Variants in CSMD1 observed in about 807,000 individuals in gnomAD.
The protein encoded by CSMD1 is CUB and Sushi multiple domains 1.
CSMD1 carries 213 observed loss-of-function variants against 417.5 expected under a neutral mutation model. The ratio of observed to expected loss-of-function variants is 0.51; its 90% CI spans 0.46 to 0.57. The LOEUF (loss-of-function observed/expected upper bound fraction) is 0.57. Ranked by LOEUF, CSMD1 falls within the 20% of genes least tolerant of loss-of-function variation. The pLI is 0.00. For synonymous variants in CSMD1, 2,862 were observed against 1,736.8 expected (o/e 1.65, Z -16.11); for missense variants, 6,923 against 4,529.7 (o/e 1.53, Z -15.17).
chr8:4,180,453 G>A (rs1263518087), intron 3 of CSMD1, among the ~76,000 whole-genome samples: 5 of 149,700 alleles, frequency 3.3e-5, no homozygotes, highest in African/African-American at 1.2e-4. Flanking sequence ...GGGAGGGATA[G>A]CATTAGGAGA....
intron 1 of CSMD1, among the ~76,000 whole-genome samples, chr8:4,649,973 G>C (rs1803780647): frequency 6.6e-6 from 1 of 152,212 alleles, no homozygotes; most frequent in African/African-American, 2.4e-5. Flanking sequence ...AGATGACACA[G>C]CTGCCTTGAA....
In CSMD1 at chr8:3,151,490, T is replaced by C; in HGVS notation, c.5938A>G (p.Thr1980Ala). ...CIATCGGTLS[T>A]LGGVILSPGF... ...GGGCTCAGGATCACACCACCCAAGG[T>C]GCTCAGCGTCCCTCCACAGGTTGCT... Residue 1980 changes from threonine (T) to alanine (A), a missense_variant, in exon 40 of 70, where the codon ACC becomes GCC. Physicochemically the swap from Thr to Ala is moderately conservative, Grantham distance 58. Coordinates refer to ENST00000635120, the MANE Select transcript of CSMD1 (RefSeq NM_033225.6). 1 of 1,613,210 alleles carries C rather than the reference T, an allele frequency of 6.2e-7. No homozygotes were observed. The highest frequency in any genetic ancestry group is 8.5e-7 in the Non-Finnish European group (1 of 1,179,582).
chr8:3,584,632 T>C (rs1037255592), intron 9 of CSMD1, among the ~76,000 whole-genome samples: 1 of 152,118 alleles, frequency 6.6e-6, no homozygotes, highest in African/African-American at 2.4e-5. Context: ...GGTAAACATA[T>C]AAAATCAAAT....
chr8:3,805,232 C>A (rs1051625906), intron 5 of CSMD1, among the ~76,000 whole-genome samples: 2 of 152,148 alleles, frequency 1.3e-5, no homozygotes, highest in Admixed American at 6.5e-5. Flanking sequence ...GGGACACCAG[C>A]ATCACAAGGG....
chr8:4,371,432 TAAG>T, intron 3 of CSMD1, among the ~76,000 whole-genome samples: 1 of 152,322 alleles, frequency 6.6e-6, no homozygotes, highest in South Asian at 2.1e-4. Flanking sequence ...ATTAGGTTTT[TAAG>T]GAGGAAATGG....
At chr8:3,826,914 G>A (rs1802087517) in intron 5 of CSMD1, among the ~76,000 whole-genome samples, 1 of 152,062 alleles carries the variant, frequency 6.6e-6, no homozygotes, top group Non-Finnish European at 1.5e-5. Context: ...AGCCTCTTGA[G>A]TAGCTGAAAC....
At chr8:3,971,844 A>G (rs1016451104) in intron 5 of CSMD1, among the ~76,000 whole-genome samples, 3 of 152,144 alleles carry the variant, frequency 2.0e-5, no homozygotes, top group Non-Finnish European at 4.4e-5. Flanking sequence ...TGAAATATTT[A>G]GCTTGCCTGT....
intron 3 of CSMD1, among the ~76,000 whole-genome samples, chr8:4,163,214 T>C (rs1797267953): frequency 6.6e-6 from 1 of 152,202 alleles, no homozygotes; most frequent in African/African-American, 2.4e-5. Context: ...GGTTTTTCAG[T>C]ACACGTAAGT....
intron 5 of CSMD1, among the ~76,000 whole-genome samples, chr8:3,841,076 T>A (rs1348583201): frequency 1.3e-5 from 2 of 152,066 alleles, no homozygotes; most frequent in South Asian, 2.1e-4. Flanking sequence ...CTACACTGAT[T>A]GATGTTAAAT....
At chr8:3,695,965 G>C (rs527883264) in intron 7 of CSMD1, among the ~76,000 whole-genome samples, 1 of 152,212 alleles carries the variant, frequency 6.6e-6, no homozygotes, top group East Asian at 1.9e-4. Context: ...AACTACACTT[G>C]AAGATATGGG....
intron 23 of CSMD1, among the ~76,000 whole-genome samples, chr8:3,340,344 G>C (rs73503785): frequency 0.051 from 7,767 of 152,078 alleles, 233 homozygotes; most frequent in East Asian, 0.15. Context: ...AAATATGAAG[G>C]GATAAAGAAA....
At chr8:3,688,471 G>A (rs1426553847) in intron 7 of CSMD1, among the ~76,000 whole-genome samples, 1 of 152,142 alleles carries the variant, frequency 6.6e-6, no homozygotes, top group African/African-American at 2.4e-5. Flanking sequence ...ACGTGTCTCT[G>A]TTCCCTAATG....
At chr8:3,322,365 C>T (rs1806207084) in intron 23 of CSMD1, among the ~76,000 whole-genome samples, 2 of 152,138 alleles carry the variant, frequency 1.3e-5, no homozygotes, top group East Asian at 1.9e-4. Flanking sequence ...TTAATAAGAA[C>T]ATATATAAGA....
intron 25 of CSMD1, among the ~76,000 whole-genome samples, chr8:3,306,634 T>G (rs1258536491): frequency 6.6e-6 from 1 of 151,946 alleles, no homozygotes; most frequent in African/African-American, 2.4e-5. Context: ...AAGCAAATTT[T>G]GTACAGAAAA....
intron 10 of CSMD1, among the ~76,000 whole-genome samples, chr8:3,566,817 T>C (rs186228745): frequency 2.0e-5 from 3 of 152,350 alleles, no homozygotes; most frequent in East Asian, 1.9e-4. Flanking sequence ...GGAACACTTA[T>C]ACACTGTTGG....
At chr8:3,408,913 A>C (rs934096420) in intron 13 of CSMD1, among the ~76,000 whole-genome samples, 1 of 152,184 alleles carries the variant, frequency 6.6e-6, no homozygotes, top group Non-Finnish European at 1.5e-5. Flanking sequence ...ATAGTTATTT[A>C]CAAATAAAAA....
intron 1 of CSMD1, among the ~76,000 whole-genome samples, chr8:4,653,562 A>T (rs1804042742): frequency 6.6e-6 from 1 of 152,056 alleles, no homozygotes; most frequent in Admixed American, 6.5e-5. Context: ...TTGTTTCAAA[A>T]TGGAAAGTTT....
rs1229696778 is a variant in CSMD1 at position 3,387,576 on chromosome 8, G to T, written c.2700C>A (p.Asp900Glu). The part of the protein sequence containing the change: ...GIRSTVTFSC[D>E]PGYTLSDDEP... ...CGTCGTCACTTAGTGTGTACCCCGG[G>T]TCACAGCTGAAAGTCACTGTGGACC... Residue 900 changes from aspartate (D) to glutamate (E), a missense_variant, in exon 18 of 70, where the codon GAC becomes GAA. Asp to Glu is a conservative substitution (Grantham distance 45, BLOSUM62 2). Transcript: ENST00000635120. 3 of 1,601,252 alleles carry T rather than the reference G, an allele frequency of 1.9e-6. No homozygotes were observed. The Admixed American group carries it at 5.1e-5, about 27-fold the overall frequency.
At chr8:4,850,913 CA>C (rs1328043009) in intron 1 of CSMD1, among the ~76,000 whole-genome samples, 174 of 145,956 alleles carry the variant, frequency 1.2e-3, no homozygotes, top group Non-Finnish European at 2.0e-3. Flanking sequence ...CTTGCCCCCC[CA>C]CTTTTTGTGG....
Sources: gnomAD v4.1 joint callset for allele counts (sites outside exome capture counted in the v4.1 genomes callset) on GRCh38, gnomAD v4.1.1 for gene constraint, MANE v1.5 for transcripts, NCBI Gene and HGNC (gene_info 2026-07-23, HGNC 2026-07-21) for gene names.